GRAMD2B: variants seen among roughly 807,000 people sequenced by gnomAD.
GRAMD2B encodes the protein GRAM domain-containing protein 2B.
In GRAMD2B, 41 loss-of-function variants were observed where a neutral mutation model predicts 59.2. The observed-to-expected ratio is 0.69, with a 90% confidence interval of 0.54 to 0.90. The LOEUF is 0.90. Ranked by LOEUF, GRAMD2B falls within the 40% of genes least tolerant of loss-of-function variation. The probability of loss-of-function intolerance (pLI) is 0.00; values close to 1 mark genes in which losing one functional copy is unlikely to be tolerated. For missense variants in GRAMD2B, 424 were observed against 500.5 expected (o/e 0.85, Z 1.46); for synonymous variants, 161 against 182.7 (o/e 0.88, Z 0.96).
In GRAMD2B at chr5:126,469,764, A is replaced by G. The variant is rs201854476; in HGVS notation, c.291A>G (p.Arg97=). The G allele has an allele frequency of 6.2e-7, 1 of 1,612,304 alleles. No homozygotes were observed. Among genetic ancestry groups the G allele is most frequent in the Non-Finnish European group, 8.5e-7 (1 of 1,178,514 alleles). ...TESKNDPKTE[R]KKSSSSSQYK... ...GCAAAAATGACCCTAAGACTGAAAG[A>G]AAAAAGTCTTCATCTTCCAGCCAGG... Residue 97 remains arginine (R), a synonymous_variant, in exon 3 of 14, where the codon AGA becomes AGG. Coordinates refer to ENST00000285689, the MANE Select transcript of GRAMD2B (RefSeq NM_023927.4).
upstream of GRAMD2B, among the ~76,000 whole-genome samples, chr5:126,370,757 C>T (rs1238728164): frequency 6.6e-6 from 1 of 152,200 alleles, no homozygotes; most frequent in Non-Finnish European, 1.5e-5. Flanking sequence ...CTCTCGCTTC[C>T]TACTGTTTGT....
At chr5:126,453,343 TA>T (rs1156981619) in intron 1 of GRAMD2B, among the ~76,000 whole-genome samples, 2 of 50,748 alleles carry the variant, frequency 3.9e-5, no homozygotes, top group Non-Finnish European at 9.1e-5. Flanking sequence ...TTCTCCATCT[TA>T]AAAGAAAAAA....
chr5:126,412,219 T>C (rs1007653040), intron 1 of GRAMD2B, among the ~76,000 whole-genome samples: 1 of 152,082 alleles, frequency 6.6e-6, no homozygotes, highest in Non-Finnish European at 1.5e-5. Flanking sequence ...AGTTTTTGCC[T>C]GTTCAATCTG....
chr5:126,423,850 G>C (rs1438857269), intron 1 of GRAMD2B, among the ~76,000 whole-genome samples, 161 bp downstream of exon 1: 1 of 151,930 alleles, frequency 6.6e-6, no homozygotes, highest in East Asian at 1.9e-4. Flanking sequence ...TCTCTGTCTA[G>C]ATATTCAGTT....
At chr5:126,455,204 G>A (rs1766061056) in intron 1 of GRAMD2B, among the ~76,000 whole-genome samples, 1 of 152,040 alleles carries the variant, frequency 6.6e-6, no homozygotes, top group African/African-American at 2.4e-5. Flanking sequence ...ACCCTCCCTT[G>A]TTCTTGTACA....
chr5:126,373,657 C>T (rs1161371306), intron 1 of GRAMD2B, among the ~76,000 whole-genome samples: 1 of 152,144 alleles, frequency 6.6e-6, no homozygotes, highest in Non-Finnish European at 1.5e-5. Flanking sequence ...TACATAAATA[C>T]ATAATTCAAA....
chr5:126,377,869 C>G lies in GRAMD2B; in HGVS notation c.125+6302C>G, dbSNP rs549336655. Among the ~76,000 whole-genome samples the G allele has an allele frequency of 1.3e-4, 20 of 152,200 alleles. No individual in the cohort carries two copies. In the South Asian group the frequency reaches 3.7e-3, roughly 28 times the overall value. On this transcript the variant is annotated intron_variant, in intron 1 of 8. Transcript: ENST00000506445. Reference sequence around the variant, plus strand: ...TACAGAGCCAGAAACTAGTTTCTGACAAATTTTTCCAATCATCAGATATAT... The same window carrying G: ...TACAGAGCCAGAAACTAGTTTCTGAGAAATTTTTCCAATCATCAGATATAT...
At chr5:126,489,676 C>G (rs906502054) in intron 13 of GRAMD2B, among the ~76,000 whole-genome samples, 3 of 152,208 alleles carry the variant, frequency 2.0e-5, no homozygotes, top group Non-Finnish European at 4.4e-5. Flanking sequence ...GGAGGGTGAG[C>G]TGGAGAAGAA....
intron 4 of GRAMD2B, among the ~76,000 whole-genome samples, 176 bp downstream of exon 4, chr5:126,472,480 G>T (rs932446340): frequency 1.3e-5 from 2 of 152,192 alleles, no homozygotes; most frequent in African/African-American, 4.8e-5. Context: ...AGCGTGAAAA[G>T]ATCACAGAGG....
rs900272529 is a variant in GRAMD2B at position 126,484,486 on chromosome 5, G to A, written c.932G>A (p.Arg311Lys). 1.8e-5 allele frequency: 29 copies of A among 1,614,026 alleles called. No individual in the cohort carries two copies. Among genetic ancestry groups the A allele is most frequent in the African/African-American group, 2.7e-5 (2 of 74,930 alleles). Residue 311 changes from arginine (R) to lysine (K), a missense_variant, in exon 10 of 14, where the codon AGA (arginine) becomes AAA (lysine). Transcript: ENST00000285689. ...KPTRADAHVN[R>K]VPEGKAKSLP... is the part of the protein sequence containing the mutation. ...ACTCGGGCAGATGCCCATGTGAACAGAGTACCTGAAGGAAAAGCCAAGAGT... is the reference window on the plus strand; with the variant it reads ...ACTCGGGCAGATGCCCATGTGAACAAAGTACCTGAAGGAAAAGCCAAGAGT...
At chr5:126,437,308 C>T (rs1437655198) in intron 1 of GRAMD2B, among the ~76,000 whole-genome samples, 2 of 152,080 alleles carry the variant, frequency 1.3e-5, no homozygotes, top group South Asian at 2.1e-4. Flanking sequence ...GACCAGGTGA[C>T]GGAATGGATT....
chr5:126,390,630 A>G (rs1756644417), intron 1 of GRAMD2B, among the ~76,000 whole-genome samples: 1 of 152,252 alleles, frequency 6.6e-6, no homozygotes, highest in Non-Finnish European at 1.5e-5. Flanking sequence ...CCGTAAGTAA[A>G]GTAATTTCAG....
chr5:126,378,448 T>C (rs192721167), intron 1 of GRAMD2B, among the ~76,000 whole-genome samples: 8 of 152,344 alleles, frequency 5.3e-5, no homozygotes, highest in Admixed American at 3.9e-4. Flanking sequence ...TTTTTCCTCA[T>C]TTAAATGTAT....
At chr5:126,416,449 G>T (rs186066349) in intron 1 of GRAMD2B, among the ~76,000 whole-genome samples, 1 of 152,276 alleles carries the variant, frequency 6.6e-6, no homozygotes, top group Non-Finnish European at 1.5e-5. Context: ...CAACCACTCA[G>T]TGATTCATTC....
At chr5:126,380,890 ATTTC>A (rs1376658482) in intron 1 of GRAMD2B, among the ~76,000 whole-genome samples, 1 of 151,880 alleles carries the variant, frequency 6.6e-6, no homozygotes, top group Non-Finnish European at 1.5e-5. Context: ...GATGCTTTTT[ATTTC>A]TTTCTATTTT....
chr5:126,387,273 G>GAA (rs34031474), intron 1 of GRAMD2B, among the ~76,000 whole-genome samples: 5 of 148,700 alleles, frequency 3.4e-5, no homozygotes, highest in African/African-American at 1.2e-4. Flanking sequence ...TAACTCTTCT[G>GAA]AAAAAAAAAA....
intron 1 of GRAMD2B, among the ~76,000 whole-genome samples, chr5:126,385,256 C>T (rs908670499): frequency 3.3e-5 from 5 of 152,162 alleles, no homozygotes; most frequent in African/African-American, 4.8e-5. Flanking sequence ...CACTACTCCA[C>T]AGGGATTTAT....
intron 1 of GRAMD2B, among the ~76,000 whole-genome samples, chr5:126,365,313 A>G (rs1351899048): frequency 1.3e-5 from 2 of 152,146 alleles, no homozygotes; most frequent in Non-Finnish European, 2.9e-5. Context: ...AAATTAATAC[A>G]AAAAATAACC....
intron 1 of GRAMD2B, chr5:126,360,505 T>C (rs1434891022): frequency 2.0e-6 from 3 of 1,527,856 alleles, no homozygotes; most frequent in Non-Finnish European, 2.6e-6. Context: ...GGGAGTGGAG[T>C]GTGGCTTCTG....
Sources: gnomAD v4.1 joint callset for allele counts (sites outside exome capture counted in the v4.1 genomes callset) on GRCh38, gnomAD v4.1.1 for gene constraint, MANE v1.5 for transcripts, NCBI Gene and HGNC (gene_info 2026-07-23, HGNC 2026-07-21) for gene names.